Variants in NET1 observed in about 807,000 individuals in gnomAD.
The protein encoded by NET1 is neuroepithelial cell transforming 1.
A neutral mutation model predicts 61.1 loss-of-function variants in NET1; 42 were observed. The observed-to-expected ratio is 0.69, with a 90% CI of 0.54 to 0.89. NET1 has a LOEUF of 0.89. Among genes scored for constraint, NET1 ranks in the 40% least tolerant of loss-of-function variants. The pLI, the probability that NET1 is intolerant of heterozygous loss-of-function variation, is 0.00. For missense variants in NET1, 654 were observed against 747.3 expected, an observed-to-expected ratio of 0.88 and a Z score of 1.46; for synonymous variants, 254 against 281.8, an observed-to-expected ratio of 0.90 and a Z score of 0.99.
chr10:5,428,820 T>C (rs1832301758), intron 2 of NET1, among the ~76,000 whole-genome samples: 1 of 151,742 alleles, frequency 6.6e-6, no homozygotes, highest in Non-Finnish European at 1.5e-5. Context: ...CCTCCCAGGT[T>C]CAAACGATTC....
At position 5,415,729 on chromosome 10, in the gene NET1, G is replaced by A. The variant is rs573156491; in HGVS notation, c.128+2909G>A. On this transcript the variant is annotated intron_variant, in intron 1 of 11. Coordinates refer to ENST00000355029, the MANE Select transcript of NET1 (RefSeq NM_001047160.3). This position sits in a 1 kb window ranked among gnomAD's most constrained non-coding sequence, Gnocchi z 4.7. ...GCTGGGATTACAGGCGTGAGCCACC[G>A]CACCTGGCCCTGTTCATTTTTAAAT... Among the ~76,000 whole-genome samples the A allele has an allele frequency of 1.5e-4, 23 of 152,200 alleles. No homozygotes were observed. The South Asian group carries it at 2.9e-3, about 19-fold the overall frequency.
rs1282294969 is a variant in NET1, at chr10:5,417,498, C to T, written c.128+4678C>T. Among the ~76,000 whole-genome samples, 1 of 152,200 alleles carries T rather than the reference C, an allele frequency of 6.6e-6. No individual in the cohort carries two copies. The highest frequency in any genetic ancestry group is 2.4e-5 in the African/African-American group (1 of 41,464). ...TAATAATTTCAATTGTATAGGAATA[C>T]ATACAATTGATTTTTGTATATCGAT... On this transcript the variant is annotated intron_variant, in intron 1 of 11. Coordinates refer to ENST00000355029, the MANE Select transcript of NET1 (RefSeq NM_001047160.3). This position sits in a 1 kb window ranked among gnomAD's most constrained non-coding sequence, Gnocchi z 5.5.
chr10:5,416,895 T>A lies in NET1; in HGVS notation c.128+4075T>A, dbSNP rs1390099555. On this transcript the variant is annotated intron_variant, in intron 1 of 11. Transcript: ENST00000355029. The surrounding 1 kb of genome is among the most constrained non-coding windows in gnomAD (Gnocchi z 6.1). ...TTAGTTTAGCCATCCGTAGGCGGCT[T>A]GTATTCATCAGCTCAGTTAGACCCC... Among the ~76,000 whole-genome samples, 1 of 152,176 alleles carries A rather than the reference T, an allele frequency of 6.6e-6. No individual in the cohort carries two copies. Among genetic ancestry groups the A allele is most frequent in the Non-Finnish European group, 1.5e-5 (1 of 68,036 alleles).
At position 5,427,422 on chromosome 10, in the gene NET1, C is replaced by A. The variant is rs78585876; in HGVS notation, c.195+701C>A. ...TAATATTGCTAGGCAGTTTCCTCCCCACTTCTTCTCCTTCTCCATATTAGT... is the reference window on the plus strand; with the variant it reads ...TAATATTGCTAGGCAGTTTCCTCCCAACTTCTTCTCCTTCTCCATATTAGT... On this transcript the variant is annotated intron_variant, in intron 2 of 11. Coordinates refer to ENST00000355029, the MANE Select transcript of NET1 (RefSeq NM_001047160.3). This position sits in a 1 kb window ranked among gnomAD's most constrained non-coding sequence, Gnocchi z 4.1. 6.6e-6 allele frequency among the ~76,000 whole-genome samples: 1 copy of A among 152,034 alleles called. No homozygotes were observed. The highest frequency in any genetic ancestry group is 1.5e-5 in the Non-Finnish European group (1 of 68,008).
rs1379837275 is a variant in NET1 at position 5,443,768 on chromosome 10, C to G, written c.256-8062C>G. On this transcript the variant is annotated intron_variant, in intron 3 of 11. Coordinates refer to ENST00000355029, the MANE Select transcript of NET1 (RefSeq NM_001047160.3). This position sits in a 1 kb window ranked among gnomAD's most constrained non-coding sequence, Gnocchi z 4.8. Reference sequence around the variant, plus strand: ...TTACATATAAAGACTTCTACCTTTACCTCTTGGGTCCCCAGCTGAAGGAGA... The same window carrying G: ...TTACATATAAAGACTTCTACCTTTAGCTCTTGGGTCCCCAGCTGAAGGAGA... Among the ~76,000 whole-genome samples the G allele has an allele frequency of 6.6e-6, 1 of 152,206 alleles. No individual in the cohort carries two copies. Among genetic ancestry groups the G allele is most frequent in the East Asian group, 1.9e-4 (1 of 5,198 alleles).
chr10:5,433,833 T>G (rs4881442), intron 3 of NET1, among the ~76,000 whole-genome samples: 3 of 151,920 alleles, frequency 2.0e-5, no homozygotes, highest in East Asian at 1.9e-4. Context: ...TTATTACTTT[T>G]TCTCAAAACT....
rs1223991960 is a variant in NET1 at position 5,427,157 on chromosome 10, ACT to A, written c.195+439_195+440del. On this transcript the variant is annotated intron_variant, in intron 2 of 11. Transcript: ENST00000355029. The surrounding 1 kb of genome is among the most constrained non-coding windows in gnomAD (Gnocchi z 4.1). Reference sequence around the variant, plus strand: ...CTATTAATCATCTCAGCATAGAGGGACTCTATTATTTTTATAGCAGGACTTTA... The same window carrying A: ...CTATTAATCATCTCAGCATAGAGGGACTATTATTTTTATAGCAGGACTTTA... Among the ~76,000 whole-genome samples the A allele has an allele frequency of 1.3e-5, 2 of 151,716 alleles. No individual in the cohort carries two copies. The highest frequency in any genetic ancestry group is 1.3e-4 in the Admixed American group (2 of 15,218).
In NET1 at chr10:5,427,395, T is replaced by A. The variant is rs1209286422; in HGVS notation, c.195+674T>A. ...ATGTGCTTTTTTCCCCTTAGTACAGTCTAATATTGCTAGGCAGTTTCCTCC... is the reference window on the plus strand; with the variant it reads ...ATGTGCTTTTTTCCCCTTAGTACAGACTAATATTGCTAGGCAGTTTCCTCC... On this transcript the variant is annotated intron_variant, in intron 2 of 11. Coordinates refer to ENST00000355029, the MANE Select transcript of NET1 (RefSeq NM_001047160.3). This position sits in a 1 kb window ranked among gnomAD's most constrained non-coding sequence, Gnocchi z 4.1. Among the ~76,000 whole-genome samples the A allele has an allele frequency of 6.6e-6, 1 of 152,132 alleles. No individual in the cohort carries two copies. Among genetic ancestry groups the A allele is most frequent in the Non-Finnish European group, 1.5e-5 (1 of 68,006 alleles).
At position 5,440,978 on chromosome 10, in the gene NET1, C is replaced by T. The variant is rs1160890696; in HGVS notation, c.256-10852C>T. Among the ~76,000 whole-genome samples the T allele has an allele frequency of 1.2e-4, 18 of 152,148 alleles. No individual in the cohort carries two copies. Among genetic ancestry groups the T allele is most frequent in the African/African-American group, 7.2e-5 (3 of 41,428 alleles). On this transcript the variant is annotated intron_variant, in intron 3 of 11. Transcript: ENST00000355029. This position sits in a 1 kb window ranked among gnomAD's most constrained non-coding sequence, Gnocchi z 4.1. ...TCCCTCCAGAAATCAGAGCCTAAAACGAGGACTCATTGACAGGTGTCTTTC... is the reference window on the plus strand; with the variant it reads ...TCCCTCCAGAAATCAGAGCCTAAAATGAGGACTCATTGACAGGTGTCTTTC...
Position 5,452,406 on chromosome 10 carries a change from T to C in NET1, c.412T>C (p.Phe138Leu), listed in dbSNP as rs748617913. 6.2e-7 allele frequency: 1 copy of C among 1,613,872 alleles called. No homozygotes were observed. The highest frequency in any genetic ancestry group is 1.3e-5 in the African/African-American group (1 of 74,986). ...DHRSPASAQKFSSRSTVPTPA... is the reference protein window; with the variant it reads ...DHRSPASAQKLSSRSTVPTPA... Reference sequence around the variant, plus strand: ...CAGATCCCCAGCCTCTGCCCAGAAGTTTTCTAGCAGGTCAACAGTCCCAAC... The same window carrying C: ...CAGATCCCCAGCCTCTGCCCAGAAGCTTTCTAGCAGGTCAACAGTCCCAAC... Residue 138 changes from phenylalanine (F) to leucine (L), a missense_variant, in exon 5 of 12, where the codon TTT becomes CTT. Coordinates refer to ENST00000355029, the MANE Select transcript of NET1 (RefSeq NM_001047160.3). This position sits in a 1 kb window ranked among gnomAD's most constrained non-coding sequence, Gnocchi z 4.0.
Position 5,458,405 on chromosome 10 carries a change from A to G in NET1, c.*1411A>G, listed in dbSNP as rs548298965. The G allele has an allele frequency of 2.6e-5, 4 of 152,516 alleles. No individual in the cohort carries two copies. Among genetic ancestry groups the G allele is most frequent in the African/African-American group, 9.6e-5 (4 of 41,542 alleles). 9.4% of individuals were successfully genotyped at this position (152,516 alleles called of 1,614,324 possible). ...GAAAAGACTGTAAATAGATCCATCC[A>G]AATGATTTCTCTGTACAAATGAATG... On this transcript the variant is annotated 3_prime_UTR_variant, in exon 12 of 12. Transcript: ENST00000355029. The surrounding 1 kb of genome is among the most constrained non-coding windows in gnomAD (Gnocchi z 4.5).
At position 5,420,387 on chromosome 10, in the gene NET1, A is replaced by G. The variant is rs1213051677; in HGVS notation, c.129-6268A>G. 6.6e-6 allele frequency among the ~76,000 whole-genome samples: 1 copy of G among 152,148 alleles called. No individual in the cohort carries two copies. The highest frequency in any genetic ancestry group is 2.4e-5 in the African/African-American group (1 of 41,426). On this transcript the variant is annotated intron_variant, in intron 1 of 11. Coordinates refer to ENST00000355029, the MANE Select transcript of NET1 (RefSeq NM_001047160.3). This position sits in a 1 kb window ranked among gnomAD's most constrained non-coding sequence, Gnocchi z 5.3. The stretch of plus-strand genomic sequence containing the variant: ...TTATAATATACAATTTTTATAACTC[A>G]GGTGGAATATATTTGGTATGTTGTA...
chr10:5,454,380 A>T lies in NET1; in HGVS notation c.884A>T (p.Glu295Val), dbSNP rs1343012741. Reference protein sequence around the residue: ...RVQDFLQRCLESPFSRKLDLW... With the variant: ...RVQDFLQRCLVSPFSRKLDLW... ...CAAGACTTCCTCCAGCGATGTCTCG[A>T]GTCTCCCTTCAGTCGAAAACTAGAT... The change falls in exon 9 of 12, where the codon GAG (glutamate) becomes GTG (valine). Residue 295 changes from glutamate (E) to valine (V), a missense_variant. Glu to Val is a moderately radical substitution (Grantham distance 121, BLOSUM62 -2). Transcript: ENST00000355029. The surrounding 1 kb of genome is among the most constrained non-coding windows in gnomAD (Gnocchi z 8.1). 3.1e-6 allele frequency: 5 copies of T among 1,614,066 alleles called. No individual in the cohort carries two copies. The African/African-American group carries it at 6.7e-5, about 22-fold the overall frequency.
Position 5,449,241 on chromosome 10 carries a change from T to C in NET1, c.256-2589T>C, listed in dbSNP as rs1378767247. Among the ~76,000 whole-genome samples the C allele has an allele frequency of 6.6e-6, 1 of 152,212 alleles. No individual in the cohort carries two copies. The highest frequency in any genetic ancestry group is 1.5e-5 in the Non-Finnish European group (1 of 68,042). The stretch of plus-strand genomic sequence containing the variant: ...ATTGTTCATACTTTTAAAATATATA[T>C]ACTAAAAGTTTGTTTTGTATTTGCC... On this transcript the variant is annotated intron_variant, in intron 3 of 11. Transcript: ENST00000355029. The surrounding 1 kb of genome is among the most constrained non-coding windows in gnomAD (Gnocchi z 4.4).
chr10:5,412,895 T>C lies in NET1; in HGVS notation c.128+75T>C. 1 of 711,032 alleles carries C rather than the reference T, an allele frequency of 1.4e-6. No homozygotes were observed. Among genetic ancestry groups the C allele is most frequent in the Non-Finnish European group, 1.7e-6 (1 of 594,784 alleles). 44.0% of individuals were successfully genotyped at this position (711,032 alleles called of 1,614,324 possible). ...GGAGGGCCGAACGGGAGGTGAGTGT[T>C]GGAGAGGCAAGGGCCGGGGGGAGGG... On this transcript the variant is annotated intron_variant, in intron 1 of 11. Coordinates refer to ENST00000355029, the MANE Select transcript of NET1 (RefSeq NM_001047160.3). The surrounding 1 kb of genome is among the most constrained non-coding windows in gnomAD (Gnocchi z 6.5).
In NET1 at chr10:5,456,010, C is replaced by T. The variant is rs777936956; in HGVS notation, c.1198-77C>T. The T allele has an allele frequency of 2.7e-5, 35 of 1,304,504 alleles. No individual in the cohort carries two copies. Among genetic ancestry groups the T allele is most frequent in the Non-Finnish European group, 3.6e-5 (34 of 950,188 alleles). The allele number at this position is 1,304,504 out of a possible 1,614,324, so 80.8% of individuals were successfully genotyped here. A position where few individuals can be genotyped will look rare whatever the true frequency, so the allele number is the denominator to read the frequency against. On this transcript the variant is annotated intron_variant, in intron 10 of 11. Coordinates refer to ENST00000355029, the MANE Select transcript of NET1 (RefSeq NM_001047160.3). The surrounding 1 kb of genome is among the most constrained non-coding windows in gnomAD (Gnocchi z 7.0). ...ATAAATCTGATGAAATTAATAATGT[C>T]GAGTTATTTTAGCAATATATTTCAG...
chr10:5,438,131 T>C (rs1337471175), intron 3 of NET1, among the ~76,000 whole-genome samples: 1 of 152,152 alleles, frequency 6.6e-6, no homozygotes, highest in African/African-American at 2.4e-5. Flanking sequence ...GTGTAAACAC[T>C]TTACATTAGA....
At chr10:5,430,566 G>T (rs964623234) in intron 3 of NET1, among the ~76,000 whole-genome samples, 34 of 151,876 alleles carry the variant, frequency 2.2e-4, no homozygotes, top group African/African-American at 8.0e-4. Context: ...GTAGAGACAG[G>T]GTTTTGCCAT....
rs1249366121 is a variant in NET1, at chr10:5,454,901, A to T, written c.1027-47A>T. 6.3e-7 allele frequency: 1 copy of T among 1,575,572 alleles called. No individual in the cohort carries two copies. The highest frequency in any genetic ancestry group is 2.2e-5 in the East Asian group (1 of 44,606). On this transcript the variant is annotated intron_variant, in intron 9 of 11. Coordinates refer to ENST00000355029, the MANE Select transcript of NET1 (RefSeq NM_001047160.3). This position sits in a 1 kb window ranked among gnomAD's most constrained non-coding sequence, Gnocchi z 8.1. ...TTTTTGCTCTGCAGGAAGCAGAATGAGTTAATAAACTGAAGCTGCTCTGTC... is the reference window on the plus strand; with the variant it reads ...TTTTTGCTCTGCAGGAAGCAGAATGTGTTAATAAACTGAAGCTGCTCTGTC...
Sources: gnomAD v4.1 joint callset for allele counts (sites outside exome capture counted in the v4.1 genomes callset) on GRCh38, gnomAD v4.1.1 for gene constraint, Gnocchi (gnomAD v3.1) non-coding constraint, MANE v1.5 for transcripts, NCBI Gene and HGNC (gene_info 2026-07-23, HGNC 2026-07-21) for gene names.